Variants in VPS54 observed in about 807,000 individuals in gnomAD.
VPS54 encodes the protein VPS54 subunit of GARP complex.
In VPS54, 45 loss-of-function variants were observed where a neutral mutation model predicts 121.5. The ratio of observed to expected loss-of-function variants is 0.37; its 90% CI spans 0.29 to 0.47. The LOEUF is 0.47. VPS54 is among the 20% of genes least tolerant of loss of function. VPS54 has a pLI of 0.99. For missense variants in VPS54, 1,090 were observed against 1,131.4 expected, an observed-to-expected ratio of 0.96 and a Z score of 0.52; for synonymous variants, 371 against 385.8, an observed-to-expected ratio of 0.96 and a Z score of 0.45.
At chr2:63,935,458 A>G (rs1254842319) in intron 11 of VPS54, among the ~76,000 whole-genome samples, 1 of 152,062 alleles carries the variant, frequency 6.6e-6, no homozygotes. Context: ...CTGCTGTCCA[A>G]TCTTGGATAT....
chr2:64,001,257 C>A (rs918547877), intron 1 of VPS54, among the ~76,000 whole-genome samples: 1 of 152,178 alleles, frequency 6.6e-6, no homozygotes, highest in African/African-American at 2.4e-5. Flanking sequence ...AGGCCTGGGA[C>A]TCACCCTTCA....
chr2:63,937,526 A>G (rs1674506288), intron 11 of VPS54, among the ~76,000 whole-genome samples: 2 of 152,310 alleles, frequency 1.3e-5, no homozygotes, highest in South Asian at 4.1e-4. Flanking sequence ...AAAAACTGAA[A>G]CCCTGCACTA....
At chr2:63,939,690 T>C (rs147989749) in intron 11 of VPS54, among the ~76,000 whole-genome samples, 2,688 of 151,710 alleles carry the variant, frequency 0.018, 34 homozygotes, top group Non-Finnish European at 0.022. Flanking sequence ...CTCCTTGTTC[T>C]AGGAAGATAA....
At chr2:64,001,112 C>T (rs1677853346) in intron 1 of VPS54, among the ~76,000 whole-genome samples, 1 of 152,208 alleles carries the variant, frequency 6.6e-6, no homozygotes, top group Non-Finnish European at 1.5e-5. Context: ...TCCCACTTCT[C>T]TCTCCCCTTT....
Position 63,899,463 on chromosome 2 carries a change from T to C in VPS54, c.2733+11A>G. 1.2e-6 allele frequency: 2 copies of C among 1,610,546 alleles called. No individual in the cohort carries two copies. On this transcript the variant is annotated intron_variant, in intron 21 of 22. Transcript: ENST00000272322. ...ATATATACATGAATAGTTTTAGGAA[T>C]TACTTCTCACCTGTGTTTGTTCTTC...
intron 1 of VPS54, among the ~76,000 whole-genome samples, chr2:63,994,048 C>T (rs190996638): frequency 1.1e-4 from 16 of 152,228 alleles, no homozygotes; most frequent in East Asian, 7.7e-4. Flanking sequence ...AAAAGACGTC[C>T]GCGTCAAAAA....
intron 9 of VPS54, among the ~76,000 whole-genome samples, chr2:63,944,979 C>T (rs754871513): frequency 1.1e-4 from 16 of 152,128 alleles, no homozygotes; most frequent in African/African-American, 2.7e-4. Flanking sequence ...GACAGTGTAG[C>T]GATTCCTCAA....
chr2:63,966,119 C>G (rs1469800311), intron 5 of VPS54, among the ~76,000 whole-genome samples, 153 bp from the exon 6 acceptor site: 5 of 152,110 alleles, frequency 3.3e-5, no homozygotes, highest in Admixed American at 3.3e-4. Flanking sequence ...ACACAAATAT[C>G]TATAAGAAAA....
intron 1 of VPS54, among the ~76,000 whole-genome samples, chr2:63,988,053 A>G (rs1279241569): frequency 6.6e-6 from 1 of 152,158 alleles, no homozygotes; most frequent in South Asian, 2.1e-4. Context: ...TTCCAATACT[A>G]CGTTGAATAA....
intron 1 of VPS54, among the ~76,000 whole-genome samples, chr2:64,013,643 AATAT>A (rs1157389421): frequency 2.7e-5 from 4 of 145,598 alleles, no homozygotes; most frequent in Non-Finnish European, 4.5e-5. Context: ...AATATATATC[AATAT>A]ATAGATATAT....
intron 20 of VPS54, among the ~76,000 whole-genome samples, chr2:63,900,326 A>G (rs1465723706): frequency 2.6e-5 from 4 of 152,106 alleles, no homozygotes; most frequent in Non-Finnish European, 4.4e-5. Flanking sequence ...AGGTGGGTCA[A>G]TATAGTAATA....
chr2:64,016,126 C>A (rs954022185), intron 1 of VPS54, among the ~76,000 whole-genome samples: 1 of 152,184 alleles, frequency 6.6e-6, no homozygotes, highest in Non-Finnish European at 1.5e-5. Context: ...AGGAAGTAAG[C>A]TGATGACCTT....
rs754704721 is a variant in VPS54, at chr2:63,893,294, T to C, written c.*136A>G. 1.3e-5 allele frequency: 11 copies of C among 816,074 alleles called. No homozygotes were observed. The highest frequency in any genetic ancestry group is 2.4e-5 in the Non-Finnish European group (11 of 460,598). 50.6% of individuals were successfully genotyped at this position (816,074 alleles called of 1,614,324 possible). Reference sequence around the variant, plus strand: ...CTGAATCCAGTTTCCCAACACTTGATACTTTCCTTTTTCCCTTCCCCCACC... The same window carrying C: ...CTGAATCCAGTTTCCCAACACTTGACACTTTCCTTTTTCCCTTCCCCCACC... On this transcript the variant is annotated 3_prime_UTR_variant, in exon 23 of 23. Transcript: ENST00000272322.
Position 63,920,442 on chromosome 2 carries a change from A to G in VPS54, c.2051+4T>C. 1.3e-6 allele frequency: 2 copies of G among 1,505,646 alleles called. No individual in the cohort carries two copies. The highest frequency in any genetic ancestry group is 1.8e-6 in the Non-Finnish European group (2 of 1,129,738). The allele number at this position is 1,505,646 out of a possible 1,614,324, so 93.3% of individuals were successfully genotyped here. A position where few individuals can be genotyped will look rare whatever the true frequency, so the allele number is the denominator to read the frequency against. On this transcript the variant is annotated splice_donor_region_variant and intron_variant, in intron 14 of 22. Coordinates refer to ENST00000272322, the MANE Select transcript of VPS54 (RefSeq NM_016516.3). ...AAACAACAGAATGGACATGGTGATG[A>G]TACCTGAGCTTGGTTTTTCTCTCTT...
In VPS54 at chr2:63,920,644, A is replaced by G; in HGVS notation, c.1870-17T>C. On this transcript the variant is annotated splice_polypyrimidine_tract_variant and intron_variant, in intron 13 of 22. Transcript: ENST00000272322. The stretch of plus-strand genomic sequence containing the variant: ...AAAACCATCCTAAATTTTAATACAA[A>G]AATCATGAGAGTTAGTGTAACACCA... 1 of 1,439,804 alleles carries G rather than the reference A, an allele frequency of 6.9e-7. No individual in the cohort carries two copies. The highest frequency in any genetic ancestry group is 9.2e-7 in the Non-Finnish European group (1 of 1,089,832). The allele number at this position is 1,439,804 out of a possible 1,614,324, so 89.2% of individuals were successfully genotyped here. A position where few individuals can be genotyped will look rare whatever the true frequency, so the allele number is the denominator to read the frequency against.
intron 7 of VPS54, among the ~76,000 whole-genome samples, chr2:63,954,864 T>C (rs1162812197): frequency 1.3e-5 from 2 of 152,038 alleles, no homozygotes; most frequent in African/African-American, 2.4e-5. Flanking sequence ...GTTTCTTCGA[T>C]TAGTATTTTG....
At chr2:63,999,063 C>T (rs1289829004) in intron 1 of VPS54, among the ~76,000 whole-genome samples, 2 of 152,194 alleles carry the variant, frequency 1.3e-5, no homozygotes, top group Admixed American at 6.5e-5. Flanking sequence ...TCTCCTGCCT[C>T]AGCCTCCTGA....
chr2:63,933,294 A>T (rs1454362286), intron 12 of VPS54, among the ~76,000 whole-genome samples: 2 of 152,178 alleles, frequency 1.3e-5, no homozygotes, highest in East Asian at 3.8e-4. Context: ...ATAAATCACA[A>T]AGGTGACACA....
intron 16 of VPS54, 95 bp downstream of exon 16, chr2:63,916,805 G>A (rs1673399220): frequency 6.5e-6 from 8 of 1,229,496 alleles, no homozygotes; most frequent in Admixed American, 5.4e-5. Flanking sequence ...TGTTAAAACT[G>A]TTAATCCAAA....
Sources: gnomAD v4.1 joint callset for allele counts (sites outside exome capture counted in the v4.1 genomes callset) on GRCh38, gnomAD v4.1.1 for gene constraint, MANE v1.5 for transcripts, NCBI Gene and HGNC (gene_info 2026-07-23, HGNC 2026-07-21) for gene names.